Variants in MYOM2 observed in about 807,000 individuals in gnomAD.
MYOM2 encodes the protein myomesin-2.
MYOM2 carries 254 observed loss-of-function variants against 187.6 expected under a neutral mutation model. That is an observed-to-expected ratio of 1.35 (90% CI 1.22 to 1.50). The LOEUF is 1.50. Among genes scored for constraint, MYOM2 ranks in the 40% most tolerant of loss-of-function variants. The probability of loss-of-function intolerance (pLI) is 0.00; values close to 1 mark genes in which losing one functional copy is unlikely to be tolerated. For missense variants in MYOM2, 2,796 were observed against 1,924.0 expected (o/e 1.45, Z -8.48); for synonymous variants, 981 against 753.8 (o/e 1.30, Z -4.94).
chr8:2,099,299 T>G (rs1796604579), intron 19 of MYOM2, among the ~76,000 whole-genome samples: 1 of 152,176 alleles, frequency 6.6e-6, no homozygotes, highest in African/African-American at 2.4e-5. Context: ...CCCTGACCTA[T>G]GACACGGATT....
rs767506344 is a variant in MYOM2, at chr8:2,069,364, G to T, written c.740G>T (p.Arg247Ile). ...TCCACCAACGCGGCGGTGGTGGTGAGAAGTGAGTGCCGGGTGGGCTTTCAC... is the reference window on the plus strand; with the variant it reads ...TCCACCAACGCGGCGGTGGTGGTGATAAGTGAGTGCCGGGTGGGCTTTCAC... ...QVSTNAAVVV[R>I]RFRGDEEPFR... Residue 247 changes from arginine to isoleucine, a missense_variant and splice_region_variant, in exon 7 of 37, where the codon AGA (arginine) becomes ATA (isoleucine). Arg to Ile is a moderately conservative substitution (Grantham distance 97). Transcript: ENST00000262113. 6 of 1,614,032 alleles carry T rather than the reference G, an allele frequency of 3.7e-6. No individual in the cohort carries two copies. Among genetic ancestry groups the T allele is most frequent in the Non-Finnish European group, 5.1e-6 (6 of 1,179,914 alleles).
chr8:2,143,885 GA>G (rs922322787), intron 36 of MYOM2, among the ~76,000 whole-genome samples: 3 of 151,062 alleles, frequency 2.0e-5, no homozygotes, highest in Admixed American at 6.6e-5. Context: ...CAACACGAAG[GA>G]AAAAAAAATC....
chr8:2,133,020 T>A (rs1043160596), intron 32 of MYOM2, among the ~76,000 whole-genome samples: 1 of 152,160 alleles, frequency 6.6e-6, no homozygotes, highest in East Asian at 1.9e-4. Flanking sequence ...CTTTAGCCGA[T>A]GTGTGTTGTG....
chr8:2,069,555 A>T (rs1390698509), intron 8 of MYOM2, 58 bp downstream of exon 8: 6 of 1,583,258 alleles, frequency 3.8e-6, no homozygotes, highest in Non-Finnish European at 3.5e-6. Flanking sequence ...ATAGCAGACA[A>T]TTTGAAAACA....
rs1236311650 is a variant in MYOM2 at position 2,086,233 on chromosome 8, C to A, written c.1644+843C>A. The stretch of plus-strand genomic sequence containing the variant: ...ACTGTCATGATCTCTTTGTGGCCCC[C>A]CACTGTTGTGATCTTTGCGTGGCCC... On this transcript the variant is annotated intron_variant, in intron 14 of 36. Transcript: ENST00000262113. 4.8e-5 allele frequency among the ~76,000 whole-genome samples: 4 copies of A among 84,100 alleles called. 1 individual carries two copies. Among genetic ancestry groups the A allele is most frequent in the Non-Finnish European group, 1.1e-4 (4 of 35,806 alleles). 55.2% of individuals were successfully genotyped at this position (84,100 alleles called of 152,430 possible).
chr8:2,060,787 G>A (rs977744121), intron 6 of MYOM2, among the ~76,000 whole-genome samples: 2 of 151,886 alleles, frequency 1.3e-5, no homozygotes, highest in African/African-American at 4.8e-5. Flanking sequence ...ATTGGATCCT[G>A]TTAAAAAGTT....
chr8:2,127,985 C>T (rs767791218), intron 31 of MYOM2: 3 of 152,260 alleles, frequency 2.0e-5, no homozygotes, highest in African/African-American at 7.2e-5. Flanking sequence ...TTTACATAGT[C>T]GGAGTCACAA....
At chr8:2,088,938 A>T (rs554309816) in intron 14 of MYOM2, among the ~76,000 whole-genome samples, 1 of 152,344 alleles carries the variant, frequency 6.6e-6, no homozygotes, top group Non-Finnish European at 1.5e-5. Context: ...AAGCTCTCCT[A>T]TAGACACCTG....
At chr8:2,070,664 C>T (rs879918247) in intron 8 of MYOM2, among the ~76,000 whole-genome samples, 3 of 152,194 alleles carry the variant, frequency 2.0e-5, no homozygotes, top group Non-Finnish European at 2.9e-5. Context: ...AGAACTGTGG[C>T]GCAGTTACAG....
chr8:2,054,298 G>A (rs775364852), intron 3 of MYOM2, among the ~76,000 whole-genome samples: 7 of 152,018 alleles, frequency 4.6e-5, no homozygotes, highest in Non-Finnish European at 7.4e-5. Context: ...CGTCCTTCTG[G>A]AAGATACGAC....
intron 25 of MYOM2, among the ~76,000 whole-genome samples, chr8:2,110,598 G>A (rs1426194260): frequency 6.6e-6 from 1 of 152,116 alleles, no homozygotes; most frequent in South Asian, 2.1e-4. Flanking sequence ...TACTGCTTCT[G>A]CCTTTTTCCC....
intron 32 of MYOM2, among the ~76,000 whole-genome samples, chr8:2,134,560 C>G (rs923999779): frequency 7.3e-6 from 1 of 137,374 alleles, no homozygotes; most frequent in African/African-American, 3.1e-5. Flanking sequence ...GCCTTCAGCA[C>G]TGATTTCTGA....
chr8:2,092,631 A>G (rs186718650), intron 16 of MYOM2, 111 bp downstream of exon 16: 2 of 1,170,154 alleles, frequency 1.7e-6, no homozygotes, highest in African/African-American at 1.5e-5. Flanking sequence ...TTCTGCGTAA[A>G]TGAGTCTGTC....
At chr8:2,086,524 A>ACAGTCGTGATCTCTGCGTGGCCCCC (rs1796080066) in intron 14 of MYOM2, among the ~76,000 whole-genome samples, 1 of 64,658 alleles carries the variant, frequency 1.5e-5, no homozygotes, top group Non-Finnish European at 4.4e-5. Flanking sequence ...GCGTGGCCCC[A>ACAGTCGTGATCTCTGCGTGGCCCCC]CACTGTCGTG....
chr8:2,057,011 C>T (rs932458996), intron 3 of MYOM2, among the ~76,000 whole-genome samples: 20 of 152,288 alleles, frequency 1.3e-4, no homozygotes, highest in African/African-American at 3.8e-4. Context: ...TTGCTGCTCA[C>T]GGTAATTCTC....
rs543353539 is a variant in MYOM2, at chr8:2,066,224, C to T, written c.654-3054C>T. 1.8e-4 allele frequency among the ~76,000 whole-genome samples: 27 copies of T among 152,300 alleles called. 1 individual carries two copies. The South Asian group carries it at 3.5e-3, about 20-fold the overall frequency. Reference sequence around the variant, plus strand: ...CAGCGGTTCCTGCACGGGAACTGCCCGTGCACCTGCTCTGTGCTTCTCTGG... The same window carrying T: ...CAGCGGTTCCTGCACGGGAACTGCCTGTGCACCTGCTCTGTGCTTCTCTGG... On this transcript the variant is annotated intron_variant, in intron 6 of 36. Coordinates refer to ENST00000262113, the MANE Select transcript of MYOM2 (RefSeq NM_003970.4).
At chr8:2,079,508 T>C (rs1342153470) in intron 12 of MYOM2, 52 bp from the exon 13 acceptor site, 1 of 1,592,274 alleles carries the variant, frequency 6.3e-7, no homozygotes. Flanking sequence ...GAAAACGGGC[T>C]TTTGGGGAAA....
chr8:2,121,730 A>C (rs983700212), intron 28 of MYOM2, among the ~76,000 whole-genome samples: 8 of 152,348 alleles, frequency 5.3e-5, no homozygotes, highest in Non-Finnish European at 1.0e-4. Context: ...TTTCAGACAC[A>C]GAGAAACCAC....
intron 13 of MYOM2, among the ~76,000 whole-genome samples, chr8:2,083,871 A>G (rs1334062455): frequency 2.0e-5 from 3 of 152,196 alleles, no homozygotes; most frequent in African/African-American, 4.8e-5. Context: ...TCACCTTGTC[A>G]TCAAAGGAAC....
Sources: allele counts gnomAD v4.1 joint callset (sites outside exome capture counted in the v4.1 genomes callset), GRCh38; gene constraint gnomAD v4.1.1; transcripts MANE v1.5; gene names NCBI Gene and HGNC (gene_info 2026-07-23, HGNC 2026-07-21).